The following TBC1D1 variants were observed in gnomAD, a reference collection of about 807,000 sequenced individuals.
TBC1D1 encodes TBC1 domain family member 1, also known as TBC1 (tre-2/USP6, BUB2, cdc16) domain family, member 1.
Under a neutral mutation model 125.6 loss-of-function variants are expected in TBC1D1, and 89 were observed. That is an observed-to-expected ratio of 0.71 (90% CI 0.60 to 0.85). TBC1D1 has a LOEUF of 0.85. TBC1D1 is among the 40% of genes least tolerant of loss of function. The pLI is 0.00. For missense variants in TBC1D1, 1,377 were observed against 1,469.2 expected (o/e 0.94, Z 1.03); for synonymous variants, 565 against 564.1 (o/e 1.00, Z -0.02).
intron 2 of TBC1D1, among the ~76,000 whole-genome samples, chr4:37,971,327 AT>A (rs1731976112): frequency 6.6e-6 from 1 of 152,214 alleles, no homozygotes; most frequent in South Asian, 2.1e-4. Flanking sequence ...TTGACTCACA[AT>A]TCCACGTGGC....
At chr4:38,007,020 T>C (rs1740421650) in intron 2 of TBC1D1, 1 of 404,816 alleles carries the variant, frequency 2.5e-6, no homozygotes, top group Non-Finnish European at 5.0e-6. Context: ...TTTCATAGAC[T>C]TGGAATCAGT....
chr4:37,974,318 C>T (rs1183558571), intron 2 of TBC1D1, among the ~76,000 whole-genome samples: 1 of 152,030 alleles, frequency 6.6e-6, no homozygotes, highest in Non-Finnish European at 1.5e-5. Context: ...GCAGTTTCGA[C>T]ATCTAGGGCT....
intron 2 of TBC1D1, among the ~76,000 whole-genome samples, chr4:37,973,540 C>T (rs1255181907): frequency 6.6e-6 from 1 of 152,168 alleles, no homozygotes; most frequent in Non-Finnish European, 1.5e-5. Context: ...CTCATCCTTT[C>T]CCCAGAATTG....
At chr4:38,091,235 A>G (rs1219972159) in intron 13 of TBC1D1, among the ~76,000 whole-genome samples, 1 of 152,232 alleles carries the variant, frequency 6.6e-6, no homozygotes, top group Non-Finnish European at 1.5e-5. Flanking sequence ...TTTCGACATG[A>G]AAGTAACCCC....
At position 38,028,252 on chromosome 4, in the gene TBC1D1, G is replaced by A. The variant is rs561934161; in HGVS notation, c.1302+373G>A. Among the ~76,000 whole-genome samples, 8 of 152,140 alleles carry A rather than the reference G, an allele frequency of 5.3e-5. No individual in the cohort carries two copies. The South Asian group carries it at 8.3e-4, about 16-fold the overall frequency. On this transcript the variant is annotated intron_variant, in intron 7 of 19. Transcript: ENST00000261439. ...ATGATCTGGGCTCCCTGCAGTCTCC[G>A]CCTCCCAGGTTCAAGTGATTCTTCT...
intron 12 of TBC1D1, 48 bp from the exon 15 acceptor site, chr4:38,089,884 A>C (rs183762379): frequency 6.6e-7 from 1 of 1,519,836 alleles, no homozygotes; most frequent in Non-Finnish European, 8.8e-7. Flanking sequence ...TTGAATGTGC[A>C]TTTTTTGTTG....
intron 2 of TBC1D1, among the ~76,000 whole-genome samples, chr4:38,001,970 A>G (rs940273483): frequency 1.8e-4 from 28 of 152,166 alleles, no homozygotes; most frequent in African/African-American, 6.8e-4. Context: ...TAATTTATGC[A>G]TTTGAGAACT....
Position 37,906,078 on chromosome 4 carries a change from T to C in TBC1D1, c.417+3566T>C, listed in dbSNP as rs1233819096. 2.0e-5 allele frequency among the ~76,000 whole-genome samples: 3 copies of C among 152,182 alleles called. No individual in the cohort carries two copies. The South Asian group carries it at 6.2e-4, about 31-fold the overall frequency. Reference sequence around the variant, plus strand: ...TGAGGGCATGAACAAGATGAATATTTTCCTCAAACAATTATCTGGATGGTC... The same window carrying C: ...TGAGGGCATGAACAAGATGAATATTCTCCTCAAACAATTATCTGGATGGTC... On this transcript the variant is annotated intron_variant, in intron 2 of 19. Coordinates refer to ENST00000261439, the MANE Select transcript of TBC1D1 (RefSeq NM_015173.4).
intron 3 of TBC1D1, among the ~76,000 whole-genome samples, chr4:38,017,041 C>A (rs1742890175): frequency 7.3e-6 from 1 of 136,786 alleles, no homozygotes; most frequent in East Asian, 2.5e-4. Flanking sequence ...ATGGGATGTA[C>A]AATCCTTTGG....
At chr4:37,929,919 G>A (rs1214249894) in intron 2 of TBC1D1, among the ~76,000 whole-genome samples, 1 of 152,180 alleles carries the variant, frequency 6.6e-6, no homozygotes, top group African/African-American at 2.4e-5. Flanking sequence ...AAAGGCAGAG[G>A]AGTGAGAAAT....
In TBC1D1 at chr4:38,014,989, G is replaced by A; in HGVS notation, c.882+16G>A. Reference sequence around the variant, plus strand: ...GCTCTTCACGGTAAAATATCACCCAGCTCGTGCACAGCCCCAGTCTGCCAT... The same window carrying A: ...GCTCTTCACGGTAAAATATCACCCAACTCGTGCACAGCCCCAGTCTGCCAT... On this transcript the variant is annotated intron_variant, in intron 3 of 19. Coordinates refer to ENST00000261439, the MANE Select transcript of TBC1D1 (RefSeq NM_015173.4). The surrounding 1 kb of genome is among the most constrained non-coding windows in gnomAD (Gnocchi z 5.1). 1 of 1,516,782 alleles carries A rather than the reference G, an allele frequency of 6.6e-7. No individual in the cohort carries two copies. The allele number at this position is 1,516,782 out of a possible 1,614,324, so 94.0% of individuals were successfully genotyped here.
chr4:38,085,299 G>A (rs1757300260), intron 12 of TBC1D1, among the ~76,000 whole-genome samples: 1 of 152,192 alleles, frequency 6.6e-6, no homozygotes, highest in Non-Finnish European at 1.5e-5. Context: ...GAACCCATTG[G>A]AGGCTATTGT....
At chr4:38,106,638 G>A (rs1376952520) in intron 15 of TBC1D1, among the ~76,000 whole-genome samples, 1 of 152,164 alleles carries the variant, frequency 6.6e-6, no homozygotes, top group Non-Finnish European at 1.5e-5. Flanking sequence ...AGGAGGAACG[G>A]GAAGGTGTCT....
At chr4:38,125,947 CCT>C (rs1209291411) in intron 18 of TBC1D1, among the ~76,000 whole-genome samples, 1 of 152,172 alleles carries the variant, frequency 6.6e-6, no homozygotes, top group Non-Finnish European at 1.5e-5. Flanking sequence ...AGCAGTCAAG[CCT>C]CTCATAAGCC....
chr4:37,988,792 C>T (rs1482808432), intron 2 of TBC1D1, among the ~76,000 whole-genome samples: 1 of 152,144 alleles, frequency 6.6e-6, no homozygotes, highest in Admixed American at 6.5e-5. Flanking sequence ...CCTCCTCAGT[C>T]AAGGGCATTC....
In TBC1D1 at chr4:38,077,176, T is replaced by G. The variant is rs117923459; in HGVS notation, c.2051-12756T>G. On this transcript the variant is annotated intron_variant, in intron 12 of 19. Transcript: ENST00000261439. ...TGCCTCTGACATGAGATAGATGTAT[T>G]GCATGCTATTTAACATACAACTATA... Among the ~76,000 whole-genome samples the G allele has an allele frequency of 1.2e-4, 19 of 152,350 alleles. No individual in the cohort carries two copies. The East Asian group carries it at 3.7e-3, about 29-fold the overall frequency.
intron 15 of TBC1D1, 147 bp downstream of exon 17, chr4:38,103,304 G>T: frequency 1.3e-6 from 1 of 785,280 alleles, no homozygotes. Flanking sequence ...AAAGCCCTAG[G>T]GTAATCACAA....
At chr4:38,132,476 A>G (rs1281562139) in intron 18 of TBC1D1, among the ~76,000 whole-genome samples, 2 of 152,136 alleles carry the variant, frequency 1.3e-5, no homozygotes, top group South Asian at 2.1e-4. Flanking sequence ...CACCATTACT[A>G]TTGTGGGAAA....
intron 7 of TBC1D1, 54 bp from the exon 8 acceptor site, chr4:38,035,534 A>T: frequency 7.0e-7 from 1 of 1,431,050 alleles, no homozygotes; most frequent in South Asian, 1.2e-5. Context: ...AAGACGGCTT[A>T]GCAATATTGT....
Sources: gnomAD v4.1 joint callset for allele counts (sites outside exome capture counted in the v4.1 genomes callset) on GRCh38, gnomAD v4.1.1 for gene constraint, Gnocchi (gnomAD v3.1) non-coding constraint, MANE v1.5 for transcripts, NCBI Gene and HGNC (gene_info 2026-07-23, HGNC 2026-07-21) for gene names.